JHY: variants seen among roughly 807,000 people sequenced by gnomAD.
JHY encodes the protein junctional cadherin complex regulator.
Under a neutral mutation model 78.0 loss-of-function variants are expected in JHY, and 69 were observed. That is an observed-to-expected ratio of 0.88 (90% confidence interval 0.73 to 1.08). The LOEUF (loss-of-function observed/expected upper bound fraction) is 1.08, where lower values mean the gene tolerates loss of function less well. JHY is among the 50% of genes least tolerant of loss of function. The pLI is 0.00. For synonymous variants in JHY, 368 were observed against 342.6 expected, an observed-to-expected ratio of 1.07 and a Z score of -0.82; for missense variants, 944 against 927.8, an observed-to-expected ratio of 1.02 and a Z score of -0.23.
chr11:122,951,853 G>A (rs1414203101), intron 6 of JHY, among the ~76,000 whole-genome samples: 1 of 152,138 alleles, frequency 6.6e-6, no homozygotes, highest in East Asian at 1.9e-4. Flanking sequence ...TGCCAGAGTC[G>A]GTAGATGCCA....
intron 6 of JHY, among the ~76,000 whole-genome samples, chr11:122,955,778 A>G (rs183596888): frequency 1.3e-5 from 2 of 152,328 alleles, no homozygotes; most frequent in Admixed American, 1.3e-4. Flanking sequence ...CCCAATAATC[A>G]ATAGCAAAAC....
intron 5 of JHY, among the ~76,000 whole-genome samples, chr11:122,939,856 A>G (rs990595710): frequency 2.0e-5 from 3 of 152,174 alleles, no homozygotes; most frequent in Non-Finnish European, 4.4e-5. Flanking sequence ...TTATACAACA[A>G]TCACACCATT....
chr11:122,925,371 A>G (rs1863474313), intron 4 of JHY, among the ~76,000 whole-genome samples: 1 of 152,214 alleles, frequency 6.6e-6, no homozygotes, highest in South Asian at 2.1e-4. Context: ...TGGAGTTGGC[A>G]GTTACTTATT....
intron 3 of JHY, among the ~76,000 whole-genome samples, chr11:122,914,007 T>C (rs952021941): frequency 1.3e-5 from 2 of 152,224 alleles, no homozygotes; most frequent in African/African-American, 4.8e-5. Context: ...AAAGACCTGA[T>C]TTGAGTCCCA....
intron 4 of JHY, among the ~76,000 whole-genome samples, chr11:122,927,733 CT>C (rs113552516): frequency 0.19 from 26,954 of 139,984 alleles, 3,833 homozygotes; most frequent in African/African-American, 0.42. Context: ...TTTCTTTTTT[CT>C]TTTTTTTTTT....
At chr11:122,907,190 A>C (rs1287619484) in intron 3 of JHY, among the ~76,000 whole-genome samples, 2 of 152,122 alleles carry the variant, frequency 1.3e-5, no homozygotes, top group African/African-American at 2.4e-5. Flanking sequence ...AGTTTGACCT[A>C]ACAGTGACAT....
chr11:122,902,571 TCA>T (rs904307692), intron 2 of JHY, among the ~76,000 whole-genome samples: 1 of 152,202 alleles, frequency 6.6e-6, no homozygotes, highest in Non-Finnish European at 1.5e-5. Flanking sequence ...TGTAACTGGC[TCA>T]CAGTTCCACA....
chr11:122,939,206 T>A (rs1863820607), intron 5 of JHY, among the ~76,000 whole-genome samples: 1 of 152,122 alleles, frequency 6.6e-6, no homozygotes, highest in South Asian at 2.1e-4. Flanking sequence ...CAGGATGGTC[T>A]CGATCTCCTG....
chr11:122,954,916 GCTT>G (rs544929278), intron 6 of JHY, among the ~76,000 whole-genome samples: 5 of 152,184 alleles, frequency 3.3e-5, no homozygotes, highest in Admixed American at 6.5e-5. Context: ...CACAACAGCT[GCTT>G]CTTCAATGTG....
intron 7 of JHY, 66 bp downstream of exon 7, chr11:122,956,642 A>G (rs1483925655): frequency 3.8e-6 from 5 of 1,323,756 alleles, no homozygotes; most frequent in African/African-American, 1.5e-5. Context: ...AGGAAACTTT[A>G]TGAAGACGCC....
chr11:122,892,386 G>A (rs1381386178), intron 2 of JHY, among the ~76,000 whole-genome samples: 1 of 151,296 alleles, frequency 6.6e-6, no homozygotes, highest in Non-Finnish European at 1.5e-5. Flanking sequence ...GCAGTGAGGC[G>A]ATCTTGGCTC....
At chr11:122,929,842 C>T (rs1337344165) in intron 4 of JHY, among the ~76,000 whole-genome samples, 1 of 142,360 alleles carries the variant, frequency 7.0e-6, no homozygotes, top group African/African-American at 2.5e-5. Context: ...GTTGTCCATA[C>T]TAGCAATTTT....
chr11:122,951,990 CTT>C (rs768377869), intron 6 of JHY, among the ~76,000 whole-genome samples: 23 of 133,398 alleles, frequency 1.7e-4, no homozygotes, highest in East Asian at 2.2e-4. Flanking sequence ...TGTTGATTTA[CTT>C]TTTTTTTTTT....
intron 5 of JHY, among the ~76,000 whole-genome samples, chr11:122,938,015 T>A (rs1863793488): frequency 6.6e-6 from 1 of 151,786 alleles, no homozygotes; most frequent in African/African-American, 2.4e-5. Flanking sequence ...AATCTGTTTT[T>A]TTTGTTGTTG....
Position 122,961,098 on chromosome 11 carries a change from T to C in JHY, c.*1653T>C. The C allele has an allele frequency of 9.8e-7, 1 of 1,019,026 alleles. No homozygotes were observed. The highest frequency in any genetic ancestry group is 2.6e-5 in the East Asian group (1 of 38,420). 63.1% of individuals were successfully genotyped at this position (1,019,026 alleles called of 1,614,324 possible). ...ACAGCCAGTTATGTAAATGTATCTA[T>C]CCCAATTGAGAGAGCCAGAAACAGT... On this transcript the variant is annotated 3_prime_UTR_variant, in exon 9 of 9. Coordinates refer to ENST00000227349, the MANE Select transcript of JHY (RefSeq NM_024806.4).
At chr11:122,930,843 G>T (rs117202989) in intron 4 of JHY, among the ~76,000 whole-genome samples, 2,800 of 152,278 alleles carry the variant, frequency 0.018, 81 homozygotes, top group South Asian at 0.11. Context: ...TAGTCTGTTT[G>T]TGCTGCTATA....
chr11:122,940,337 C>CA (rs1390670006), intron 5 of JHY, among the ~76,000 whole-genome samples: 3 of 151,110 alleles, frequency 2.0e-5, no homozygotes, highest in Non-Finnish European at 4.4e-5. Context: ...GGTTCTGTCT[C>CA]AAAAAAAGAA....
rs568793078 is a variant in JHY, at chr11:122,887,416, G to T, written c.344+1223G>T. On this transcript the variant is annotated intron_variant, in intron 2 of 8. Coordinates refer to ENST00000227349, the MANE Select transcript of JHY (RefSeq NM_024806.4). Reference sequence around the variant, plus strand: ...CAGCTCACTGCAACCTCCACCTCCCGGGTTCAAGTGATTCTCCTGCCTCAG... The same window carrying T: ...CAGCTCACTGCAACCTCCACCTCCCTGGTTCAAGTGATTCTCCTGCCTCAG... Among the ~76,000 whole-genome samples, 5 of 152,206 alleles carry T rather than the reference G, an allele frequency of 3.3e-5. No individual in the cohort carries two copies. The South Asian group carries it at 1.0e-3, about 32-fold the overall frequency.
In JHY at chr11:122,934,836, TGTTAATAA is replaced by T. The variant is rs765969196; in HGVS notation, c.1396_1403del (p.Val466ArgfsTer22). The stretch of plus-strand genomic sequence containing the variant: ...CTACTGGATGTGACTCTGGGCTGAA[TGTTAATAA>T]AGAAAGAGGACACAAAGACCAAGAA... On this transcript the variant is annotated frameshift_variant, in exon 5 of 9. Coordinates refer to ENST00000227349, the MANE Select transcript of JHY (RefSeq NM_024806.4). LOFTEE classifies it high-confidence loss of function. 5 of 1,613,918 alleles carry T rather than the reference TGTTAATAA, an allele frequency of 3.1e-6. No individual in the cohort carries two copies. Among genetic ancestry groups the T allele is most frequent in the Non-Finnish European group, 3.4e-6 (4 of 1,180,020 alleles).
Sources: allele counts gnomAD v4.1 joint callset (sites outside exome capture counted in the v4.1 genomes callset), GRCh38; gene constraint gnomAD v4.1.1; transcripts MANE v1.5; gene names NCBI Gene and HGNC (gene_info 2026-07-23, HGNC 2026-07-21).